Variants in SLC49A4 observed in about 807,000 individuals in gnomAD.
The protein encoded by SLC49A4 is solute carrier family 49 member 4.
In SLC49A4, 36 loss-of-function variants were observed where a neutral mutation model predicts 50.6. That is an observed-to-expected ratio of 0.71 (90% confidence interval 0.55 to 0.94). The LOEUF (loss-of-function observed/expected upper bound fraction) is 0.94, where lower values mean the gene tolerates loss of function less well. SLC49A4 is among the 40% of genes least tolerant of loss of function. The pLI, the probability that SLC49A4 is intolerant of heterozygous loss-of-function variation, is 0.00. For synonymous variants in SLC49A4, 248 were observed against 241.2 expected (o/e 1.03, Z -0.26); for missense variants, 503 against 605.7 (o/e 0.83, Z 1.78).
Position 122,861,503 on chromosome 3 carries a change from C to A in SLC49A4, c.1138+1301C>A, listed in dbSNP as rs140755979. 2.0e-3 allele frequency among the ~76,000 whole-genome samples: 312 copies of A among 152,234 alleles called. 1 individual carries two copies. The highest frequency in any genetic ancestry group is 6.9e-3 in the African/African-American group (285 of 41,550). ...GATTGTAACAGTCATTTATAACAAG[C>A]ATTTGTGTGAGTAGAAATAAATAAG... is the stretch of plus-strand genomic sequence containing the variant. On this transcript the variant is annotated intron_variant, in intron 7 of 8. Coordinates refer to ENST00000261038, the MANE Select transcript of SLC49A4 (RefSeq NM_032839.3).
intron 4 of SLC49A4, among the ~76,000 whole-genome samples, chr3:122,845,228 G>C (rs1936831397): frequency 6.6e-6 from 1 of 152,130 alleles, no homozygotes; most frequent in South Asian, 2.1e-4. Context: ...TTGCTTTTCT[G>C]TTCCTGTGTT....
chr3:122,840,428 A>G, intron 4 of SLC49A4, among the ~76,000 whole-genome samples: 1 of 152,326 alleles, frequency 6.6e-6, no homozygotes, highest in East Asian at 1.9e-4. Context: ...TGGGATAAAA[A>G]TCTTTGAAAA....
chr3:122,848,189 C>T (rs372858971), intron 5 of SLC49A4, among the ~76,000 whole-genome samples: 6 of 152,226 alleles, frequency 3.9e-5, no homozygotes, highest in South Asian at 4.1e-4. Context: ...TTATTATAGG[C>T]GTTAAGTTTC....
At chr3:122,826,688 C>A in intron 2 of SLC49A4, 112 bp from the exon 3 acceptor site, 1 of 1,049,748 alleles carries the variant, frequency 9.5e-7, no homozygotes, top group Non-Finnish European at 1.4e-6. Context: ...ATATTCTTTA[C>A]AGATATGTAT....
At chr3:122,842,298 A>T (rs1229154147) in intron 4 of SLC49A4, among the ~76,000 whole-genome samples, 1 of 151,948 alleles carries the variant, frequency 6.6e-6, no homozygotes, top group East Asian at 1.9e-4. Context: ...CATCCTGGCT[A>T]ACACGGTGAA....
intron 7 of SLC49A4, among the ~76,000 whole-genome samples, chr3:122,870,753 G>T (rs1937186160): frequency 6.6e-6 from 1 of 151,414 alleles, no homozygotes; most frequent in Non-Finnish European, 1.5e-5. Context: ...GTGGAAGTTG[G>T]CAGTGAGCCG....
At chr3:122,878,170 T>A (rs1937288526) in intron 8 of SLC49A4, among the ~76,000 whole-genome samples, 1 of 152,184 alleles carries the variant, frequency 6.6e-6, no homozygotes, top group Non-Finnish European at 1.5e-5. Flanking sequence ...TTTTGAAGAT[T>A]AAGGCAGTAT....
intron 7 of SLC49A4, among the ~76,000 whole-genome samples, chr3:122,860,718 T>C (rs2107579843): frequency 6.6e-6 from 1 of 152,372 alleles, no homozygotes; most frequent in Admixed American, 6.5e-5. Context: ...ACCTGAAACA[T>C]TTTTAGTTGC....
chr3:122,856,546 C>G (rs976558953), intron 6 of SLC49A4, among the ~76,000 whole-genome samples, 172 bp downstream of exon 6: 1 of 152,172 alleles, frequency 6.6e-6, no homozygotes, highest in African/African-American at 2.4e-5. Flanking sequence ...TATAGAATTG[C>G]TGCTAACAGG....
chr3:122,808,172 A>G (rs1174473944), intron 2 of SLC49A4, among the ~76,000 whole-genome samples: 2 of 152,248 alleles, frequency 1.3e-5, no homozygotes, highest in South Asian at 2.1e-4. Flanking sequence ...AGTAAATTAC[A>G]TAGTATATTA....
intron 6 of SLC49A4, among the ~76,000 whole-genome samples, chr3:122,856,713 G>A (rs1029273976): frequency 1.3e-4 from 19 of 151,898 alleles, no homozygotes; most frequent in African/African-American, 2.2e-4. Flanking sequence ...ATGAGCGCCT[G>A]TAGTCCCAGC....
At chr3:122,805,982 TAAA>T (rs1936212616) in intron 1 of SLC49A4, among the ~76,000 whole-genome samples, 1 of 152,080 alleles carries the variant, frequency 6.6e-6, no homozygotes, top group African/African-American at 2.4e-5. Context: ...AAGAAAAAAA[TAAA>T]GACTGTGATT....
intron 3 of SLC49A4, among the ~76,000 whole-genome samples, chr3:122,828,220 G>A (rs1332491107): frequency 6.6e-6 from 1 of 152,224 alleles, no homozygotes; most frequent in East Asian, 1.9e-4. Flanking sequence ...TGGTGTAACA[G>A]AACTTACAGT....
intron 4 of SLC49A4, among the ~76,000 whole-genome samples, chr3:122,834,515 C>T (rs1310363345): frequency 2.6e-5 from 4 of 151,794 alleles, no homozygotes; most frequent in African/African-American, 4.8e-5. Flanking sequence ...TAACATGAAC[C>T]GTAATAGTGA....
chr3:122,845,607 GTTTTTTTTTTT>G (rs35604258), intron 4 of SLC49A4, among the ~76,000 whole-genome samples, 145 bp from the exon 5 acceptor site: 1,090 of 97,464 alleles, frequency 0.011, 23 homozygotes, highest in African/African-American at 0.039. Flanking sequence ...TTTCCAGCAC[GTTTTTTTTTTT>G]TTTTTTTTTT....
chr3:122,841,758 G>A (rs1256799151), intron 4 of SLC49A4, among the ~76,000 whole-genome samples: 1 of 152,116 alleles, frequency 6.6e-6, no homozygotes, highest in East Asian at 1.9e-4. Context: ...GAATAAAATA[G>A]AATAGAAAAT....
At chr3:122,839,484 C>G (rs1936737844) in intron 4 of SLC49A4, among the ~76,000 whole-genome samples, 1 of 151,992 alleles carries the variant, frequency 6.6e-6, no homozygotes, top group South Asian at 2.1e-4. Flanking sequence ...TTTGCAAACT[C>G]TGTATCTGAC....
In SLC49A4 at chr3:122,833,351, A is replaced by G. The variant is rs1560213075; in HGVS notation, c.738A>G (p.Thr246=). 1.2e-6 allele frequency: 2 copies of G among 1,613,656 alleles called. No individual in the cohort carries two copies. The highest frequency in any genetic ancestry group is 1.7e-5 in the Admixed American group (1 of 59,986). Residue 246 remains threonine (T), a synonymous_variant, in exon 4 of 9, where the codon ACA becomes ACG. Coordinates refer to ENST00000261038, the MANE Select transcript of SLC49A4 (RefSeq NM_032839.3). ...TTGTCTGCTTAATATTTTCTGCAAC[A>G]CTAGCTTATTTCCCACCCCGACCTC... ...FGVVCLIFSA[T]LAYFPPRPPL...
intron 2 of SLC49A4, among the ~76,000 whole-genome samples, chr3:122,810,002 A>G (rs1360852728): frequency 1.3e-5 from 2 of 152,216 alleles, no homozygotes; most frequent in Non-Finnish European, 2.9e-5. Context: ...GTGTATAGCC[A>G]TCACTTTTAA....
Sources: gnomAD v4.1 joint callset for allele counts (sites outside exome capture counted in the v4.1 genomes callset) on GRCh38, gnomAD v4.1.1 for gene constraint, MANE v1.5 for transcripts, NCBI Gene and HGNC (gene_info 2026-07-23, HGNC 2026-07-21) for gene names.